Variants in MYLK observed in about 807,000 individuals in gnomAD.
MYLK encodes the protein myosin light chain kinase.
Under a neutral mutation model 203.4 loss-of-function variants are expected in MYLK, and 106 were observed. That is an observed-to-expected ratio of 0.52 (90% CI 0.45 to 0.61). The LOEUF is 0.61. Ranked by LOEUF, MYLK falls within the 20% of genes least tolerant of loss-of-function variation. The probability of loss-of-function intolerance (pLI) is 0.00; values close to 1 mark genes in which losing one functional copy is unlikely to be tolerated. For synonymous variants in MYLK, 867 were observed against 959.5 expected (o/e 0.90, Z 1.78); for missense variants, 2,072 against 2,442.3 (o/e 0.85, Z 3.20).
chr3:123,689,463 G>A (rs2060579365), intron 19 of MYLK, among the ~76,000 whole-genome samples: 1 of 152,128 alleles, frequency 6.6e-6, no homozygotes, highest in Non-Finnish European at 1.5e-5. Context: ...GCTGTGGAAA[G>A]GAACAGGTTT....
At chr3:123,824,106 T>C (rs1436878565) in intron 3 of MYLK, among the ~76,000 whole-genome samples, 1 of 151,654 alleles carries the variant, frequency 6.6e-6, no homozygotes, top group African/African-American at 2.4e-5. Flanking sequence ...TTTTTTTTTT[T>C]GAGACGGAGT....
At position 123,646,846 on chromosome 3, in the gene MYLK, G is replaced by T. The variant is rs1054790895; in HGVS notation, c.4619+378C>A. 22 of 251,386 alleles carry T rather than the reference G, an allele frequency of 8.8e-5. No homozygotes were observed. In the Admixed American group the frequency reaches 9.1e-4, roughly 10 times the overall value. 15.6% of individuals were successfully genotyped at this position (251,386 alleles called of 1,614,324 possible). ...TCTTTCACAGGGAAGTCAGGAAGCT[G>T]CCCTGTCCCTCCCCTAAACCACCTT... On this transcript the variant is annotated intron_variant, in intron 27 of 33. Transcript: ENST00000360304.
intron 13 of MYLK, among the ~76,000 whole-genome samples, chr3:123,713,429 G>A (rs1483526072): frequency 8.5e-5 from 13 of 152,062 alleles, no homozygotes; most frequent in East Asian, 1.9e-4. Context: ...TTACGTAGGC[G>A]TCCCTTCAAA....
At chr3:123,710,669 C>T (rs2061656298) in intron 13 of MYLK, among the ~76,000 whole-genome samples, 1 of 152,300 alleles carries the variant, frequency 6.6e-6, no homozygotes, top group Non-Finnish European at 1.5e-5. Flanking sequence ...TTGGCAGTTT[C>T]TTAAAAAGTT....
intron 2 of MYLK, among the ~76,000 whole-genome samples, chr3:123,853,816 T>A (rs1384173040): frequency 2.0e-5 from 3 of 152,146 alleles, no homozygotes; most frequent in African/African-American, 7.2e-5. Context: ...CAGACTCTGA[T>A]AGATTCCAAA....
intron 2 of MYLK, among the ~76,000 whole-genome samples, chr3:123,842,017 T>C (rs1410180900): frequency 6.6e-6 from 1 of 152,146 alleles, no homozygotes; most frequent in Non-Finnish European, 1.5e-5. Flanking sequence ...ACTCTAACTT[T>C]ATCAGAAATC....
At chr3:123,709,982 T>C in intron 13 of MYLK, 89 bp from the exon 14 acceptor site, 1 of 1,550,534 alleles carries the variant, frequency 6.4e-7, no homozygotes, top group Non-Finnish European at 8.8e-7. Context: ...CATGACTGTG[T>C]TGATGCTCAG....
intron 4 of MYLK, among the ~76,000 whole-genome samples, chr3:123,779,907 C>A (rs1394103315): frequency 2.6e-5 from 4 of 152,158 alleles, no homozygotes; most frequent in Non-Finnish European, 5.9e-5. Context: ...GTGGGAAGTG[C>A]AGATTTAGAG....
At chr3:123,739,159 G>A in intron 6 of MYLK, 97 bp from the exon 7 acceptor site, 1 of 1,388,214 alleles carries the variant, frequency 7.2e-7, no homozygotes, top group Middle Eastern at 1.8e-4. Context: ...AAGGTCAGAA[G>A]CCATCAAAGT....
intron 31 of MYLK, among the ~76,000 whole-genome samples, chr3:123,625,681 G>A (rs1290083759): frequency 2.6e-5 from 4 of 151,078 alleles, no homozygotes; most frequent in South Asian, 2.1e-4. Context: ...GGTGGTGGGC[G>A]CCTGTAATCC....
chr3:123,733,402 C>T (rs1215819746), intron 10 of MYLK, among the ~76,000 whole-genome samples: 1 of 152,078 alleles, frequency 6.6e-6, no homozygotes, highest in East Asian at 1.9e-4. Flanking sequence ...TCGATGTTGG[C>T]GATAATGAGG....
At chr3:123,638,713 C>T in intron 28 of MYLK, 8 of 981,714 alleles carry the variant, frequency 8.1e-6, no homozygotes, top group Non-Finnish European at 8.5e-6. Context: ...TAGTCCAACT[C>T]CTGAGCCATG....
chr3:123,726,070 C>G lies in MYLK; in HGVS notation c.1525G>C (p.Val509Leu). The G allele has an allele frequency of 6.2e-7, 1 of 1,614,178 alleles. No individual in the cohort carries two copies. Among genetic ancestry groups the G allele is most frequent in the South Asian group, 1.1e-5 (1 of 91,072 alleles). Reference sequence around the variant, plus strand: ...GAGAAGGAGGGGGCCACCTCCATCACGGCAAGCCCTGTGAGGGAAAAGGAC... The same window carrying G: ...GAGAAGGAGGGGGCCACCTCCATCAGGGCAAGCCCTGTGAGGGAAAAGGAC... ...SWTLQVERLAVMEVAPSFSSV... is the reference protein window; with the variant it reads ...SWTLQVERLALMEVAPSFSSV... Residue 509 changes from valine (V) to leucine (L), a missense_variant, in exon 12 of 34, where the codon GTG becomes CTG. Around this residue, in one of 3 missense-constraint regions of MYLK, gnomAD observed 683 missense variants for 643.8 expected, o/e 1.06. Transcript: ENST00000360304.
chr3:123,710,090 C>G (rs532907672), intron 13 of MYLK, among the ~76,000 whole-genome samples, 197 bp from the exon 14 acceptor site: 1 of 152,154 alleles, frequency 6.6e-6, no homozygotes, highest in African/African-American at 2.4e-5. Flanking sequence ...TTGGCAATGA[C>G]GATGTTCTTG....
intron 2 of MYLK, among the ~76,000 whole-genome samples, chr3:123,863,749 T>C (rs1408040526): frequency 6.6e-6 from 1 of 152,190 alleles, no homozygotes; most frequent in Non-Finnish European, 1.5e-5. Context: ...TTCTGATACA[T>C]TGGAAATATA....
chr3:123,712,032 C>G (rs1024792123), intron 13 of MYLK, among the ~76,000 whole-genome samples: 2 of 152,216 alleles, frequency 1.3e-5, no homozygotes, highest in Non-Finnish European at 2.9e-5. Flanking sequence ...TCCCCCAAAG[C>G]AGGTGCAGTT....
chr3:123,771,104 T>G (rs1246942153), intron 4 of MYLK, among the ~76,000 whole-genome samples: 1 of 152,232 alleles, frequency 6.6e-6, no homozygotes, highest in Non-Finnish European at 1.5e-5. Flanking sequence ...GTAAATAACC[T>G]TTGTGCTACA....
Position 123,733,861 on chromosome 3 carries a change from G to C in MYLK, c.1135C>G (p.Pro379Ala). 1 of 1,614,138 alleles carries C rather than the reference G, an allele frequency of 6.2e-7. No individual in the cohort carries two copies. The highest frequency in any genetic ancestry group is 8.5e-7 in the Non-Finnish European group (1 of 1,180,048). ...GGCTGCCTGGTGGGGAAGGTGGCTG[G>C]ACGGGGAGGAGCTGGCCTCTTCCTC... ...EERKRPAPPR[P>A]ATFPTRQPGL... The change falls in exon 10 of 34, where the codon CCA (proline) becomes GCA (alanine). Residue 379 changes from proline (P) to alanine (A), a missense_variant. Pro to Ala is a conservative substitution (Grantham distance 27). Coordinates refer to ENST00000360304, the MANE Select transcript of MYLK (RefSeq NM_053025.4).
At chr3:123,623,005 C>G (rs2057952946) in intron 31 of MYLK, 1 of 152,226 alleles carries the variant, frequency 6.6e-6, no homozygotes, top group Non-Finnish European at 1.5e-5. Context: ...AATTCCCTGC[C>G]CCTTGGAGAG....
Sources: allele counts gnomAD v4.1 joint callset (sites outside exome capture counted in the v4.1 genomes callset), GRCh38; gene constraint gnomAD v4.1.1; regional missense constraint gnomAD v4.1.1; transcripts MANE v1.5; gene names NCBI Gene and HGNC (gene_info 2026-07-23, HGNC 2026-07-21).